ZNF804B: variants seen among roughly 807,000 people sequenced by gnomAD.
The protein encoded by ZNF804B is zinc finger protein 804B.
ZNF804B carries 80 observed loss-of-function variants against 101.4 expected under a neutral mutation model. The observed-to-expected ratio is 0.79, with a 90% CI of 0.66 to 0.95. ZNF804B has a LOEUF of 0.95. ZNF804B is among the 40% of genes least tolerant of loss of function. The pLI is 0.00. For missense variants in ZNF804B, 1,673 were observed against 1,561.9 expected, an observed-to-expected ratio of 1.07 and a Z score of -1.20; for synonymous variants, 622 against 558.8, an observed-to-expected ratio of 1.11 and a Z score of -1.59.
chr7:88,908,134 T>G (rs1346839432), intron 1 of ZNF804B, among the ~76,000 whole-genome samples: 1 of 151,868 alleles, frequency 6.6e-6, no homozygotes, highest in Admixed American at 6.6e-5. Flanking sequence ...GTAGGAAACT[T>G]ATATTCTTGA....
intron 1 of ZNF804B, among the ~76,000 whole-genome samples, chr7:89,060,639 C>T (rs1298251701): frequency 6.6e-6 from 1 of 152,108 alleles, no homozygotes; most frequent in Admixed American, 6.6e-5. Flanking sequence ...TAATTCTACT[C>T]CTCCACACAT....
At chr7:88,843,107 G>A (rs1235111851) in intron 1 of ZNF804B, among the ~76,000 whole-genome samples, 1 of 152,134 alleles carries the variant, frequency 6.6e-6, no homozygotes, top group Non-Finnish European at 1.5e-5. Flanking sequence ...GGAATGCTTT[G>A]TAGTAGAAAG....
intron 1 of ZNF804B, among the ~76,000 whole-genome samples, chr7:88,848,512 G>T (rs1037705605): frequency 6.6e-6 from 1 of 152,028 alleles, no homozygotes; most frequent in Admixed American, 6.6e-5. Context: ...TGCACCATCA[G>T]TCTCAGGGAA....
At position 88,759,766 on chromosome 7, in the gene ZNF804B, G is replaced by A. The variant is rs1789861732; in HGVS notation, c.-211G>A. ...CCCCTCCGTGCTCTGTGCTGTCGCC[G>A]CCGCCGCCTCTGTCAGAGCAGCAGC... On this transcript the variant is annotated 5_prime_UTR_variant, in exon 1 of 4. Transcript: ENST00000333190. The A allele has an allele frequency of 5.2e-6, 3 of 580,636 alleles. No individual in the cohort carries two copies. Among genetic ancestry groups the A allele is most frequent in the Admixed American group, 3.0e-5 (1 of 33,292 alleles). 36.0% of individuals were successfully genotyped at this position (580,636 alleles called of 1,614,324 possible). A position where few individuals can be genotyped will look rare whatever the true frequency, so the allele number is the denominator to read the frequency against.
intron 2 of ZNF804B, among the ~76,000 whole-genome samples, chr7:89,226,429 C>A (rs1376873910): frequency 5.9e-5 from 9 of 151,670 alleles, no homozygotes; most frequent in African/African-American, 4.8e-5. Flanking sequence ...TGTTTTGGGT[C>A]TACTAAAAAT....
At chr7:89,325,447 A>C (rs1187152831) in intron 2 of ZNF804B, among the ~76,000 whole-genome samples, 1 of 152,062 alleles carries the variant, frequency 6.6e-6, no homozygotes, top group Non-Finnish European at 1.5e-5. Flanking sequence ...TGAAGGGAAA[A>C]AAAAATTGAT....
At chr7:88,989,998 A>G (rs1793821533) in intron 1 of ZNF804B, among the ~76,000 whole-genome samples, 1 of 152,040 alleles carries the variant, frequency 6.6e-6, no homozygotes, top group Non-Finnish European at 1.5e-5. Flanking sequence ...CATAATAGCA[A>G]ATTTGGAAAA....
intron 1 of ZNF804B, among the ~76,000 whole-genome samples, chr7:89,054,904 G>C (rs897809410): frequency 1.3e-5 from 2 of 151,850 alleles, no homozygotes; most frequent in Admixed American, 1.3e-4. Context: ...ACCTGTTCAA[G>C]GCATTGATAC....
At chr7:89,131,052 A>G (rs1210773141) in intron 1 of ZNF804B, among the ~76,000 whole-genome samples, 1 of 151,980 alleles carries the variant, frequency 6.6e-6, no homozygotes, top group Admixed American at 6.6e-5. Context: ...GAAGCAGGGG[A>G]GCACATTTCA....
chr7:88,969,945 C>T (rs1202631885), intron 1 of ZNF804B, among the ~76,000 whole-genome samples: 6 of 151,390 alleles, frequency 4.0e-5, no homozygotes, highest in Non-Finnish European at 5.9e-5. Context: ...CTGGCAAATA[C>T]GTCTGAATAC....
At chr7:89,327,589 C>G in intron 3 of ZNF804B, 115 bp downstream of exon 3, 2 of 1,353,682 alleles carry the variant, frequency 1.5e-6, no homozygotes, top group South Asian at 2.8e-5. Context: ...ATAGATATGT[C>G]TGAAGGGCAA....
In ZNF804B at chr7:89,171,288, G is replaced by GCTTCTTCTTCTTCTTCTT. The variant is rs1203060273; in HGVS notation, c.109-46814_109-46797dup. Reference sequence around the variant, plus strand: ...AGTAGGCACAAATAATGCTGCTGCTGCTTCTTCTTCTTCTTCTTCTTCTTC... The same window carrying GCTTCTTCTTCTTCTTCTT: ...AGTAGGCACAAATAATGCTGCTGCTGCTTCTTCTTCTTCTTCTTCTTCTTCTTCTTCTTCTTCTTCTTC... On this transcript the variant is annotated intron_variant, in intron 1 of 3. Coordinates refer to ENST00000333190, the MANE Select transcript of ZNF804B (RefSeq NM_181646.5). 2.9e-3 allele frequency among the ~76,000 whole-genome samples: 236 copies of GCTTCTTCTTCTTCTTCTT among 82,514 alleles called. 3 individuals carry two copies. Among genetic ancestry groups the GCTTCTTCTTCTTCTTCTT allele is most frequent in the Non-Finnish European group, 4.5e-3 (173 of 38,670 alleles). 54.1% of individuals were successfully genotyped at this position (82,514 alleles called of 152,430 possible). A position where few individuals can be genotyped will look rare whatever the true frequency, so the allele number is the denominator to read the frequency against.
At chr7:89,299,241 T>A (rs1233086062) in intron 2 of ZNF804B, among the ~76,000 whole-genome samples, 2 of 152,036 alleles carry the variant, frequency 1.3e-5, no homozygotes, top group African/African-American at 4.8e-5. Flanking sequence ...AGGAAGATGG[T>A]CTATTTGACC....
chr7:89,144,722 T>G (rs1243999127), intron 1 of ZNF804B, among the ~76,000 whole-genome samples: 6 of 152,076 alleles, frequency 3.9e-5, no homozygotes, highest in African/African-American at 1.4e-4. Context: ...ATTAAGTATA[T>G]GAGTTAATGA....
chr7:89,225,167 A>G (rs7804810), intron 2 of ZNF804B, among the ~76,000 whole-genome samples: 1 of 151,842 alleles, frequency 6.6e-6, no homozygotes, highest in Non-Finnish European at 1.5e-5. Flanking sequence ...TCCAGTTCTA[A>G]TGTCCTGTTG....
At chr7:89,325,700 CT>C (rs1790886310) in intron 2 of ZNF804B, among the ~76,000 whole-genome samples, 1 of 151,776 alleles carries the variant, frequency 6.6e-6, no homozygotes, top group Admixed American at 6.6e-5. Context: ...AATCAATTTC[CT>C]TCTCTTTATT....
intron 1 of ZNF804B, among the ~76,000 whole-genome samples, chr7:88,762,799 G>C (rs940656957): frequency 6.7e-6 from 1 of 149,836 alleles, no homozygotes; most frequent in African/African-American, 2.5e-5. Flanking sequence ...AGTTTATTTA[G>C]TATAGAGATA....
At chr7:89,173,927 TA>T (rs1284636522) in intron 1 of ZNF804B, among the ~76,000 whole-genome samples, 1 of 152,032 alleles carries the variant, frequency 6.6e-6, no homozygotes, top group African/African-American at 2.4e-5. Context: ...GTTCAAATGA[TA>T]TTTTTATTTA....
At position 89,297,083 on chromosome 7, in the gene ZNF804B, A is replaced by T. The variant is rs143051709; in HGVS notation, c.250-30261A>T. Among the ~76,000 whole-genome samples the T allele has an allele frequency of 5.6e-3, 858 of 152,154 alleles. 7 individuals are homozygous for T. Among genetic ancestry groups the T allele is most frequent in the Middle Eastern group, 0.037 (11 of 294 alleles). ...CTGTAAATGCTTTCATGAATACTAA[A>T]TCATATAAAACTATCTTAATTAGTA... On this transcript the variant is annotated intron_variant, in intron 2 of 3. Coordinates refer to ENST00000333190, the MANE Select transcript of ZNF804B (RefSeq NM_181646.5).
Sources: gnomAD v4.1 joint callset for allele counts (sites outside exome capture counted in the v4.1 genomes callset) on GRCh38, gnomAD v4.1.1 for gene constraint, MANE v1.5 for transcripts, NCBI Gene and HGNC (gene_info 2026-07-23, HGNC 2026-07-21) for gene names.